The following NOD2 variants were observed in gnomAD, a reference collection of about 807,000 sequenced individuals.
NOD2 encodes the protein nucleotide binding oligomerization domain containing 2.
Under a neutral mutation model 90.9 loss-of-function variants are expected in NOD2, and 86 were observed. The ratio of observed to expected loss-of-function variants is 0.95; its 90% CI spans 0.79 to 1.13. The LOEUF (loss-of-function observed/expected upper bound fraction) is 1.13, where lower values mean the gene tolerates loss of function less well. Among genes scored for constraint, NOD2 ranks in the 50% most tolerant of loss-of-function variants. NOD2 has a pLI of 0.00. For synonymous variants in NOD2, 581 were observed against 554.6 expected (o/e 1.05, Z -0.67); for missense variants, 1,238 against 1,283.8 (o/e 0.96, Z 0.55).
Position 50,712,092 on chromosome 16 carries a change from G to C in NOD2, c.2100G>C (p.Pro700=), listed in dbSNP as rs144468550. The C allele has an allele frequency of 4.3e-6, 7 of 1,613,852 alleles. No individual in the cohort carries two copies. The highest frequency in any genetic ancestry group is 5.1e-6 in the Non-Finnish European group (6 of 1,180,004). Residue 700 remains proline, a synonymous_variant, in exon 4 of 12, where the codon CCG becomes CCC. Transcript: ENST00000647318. ...KHFHSIPPAA[P]GEAKSVHAMP... ...TCCACTCCATCCCGCCAGCTGCACC[G>C]GGTGAGGCCAAGAGCGTGCATGCCA...
chr16:50,725,974 G>A (rs1965250982), intron 10 of NOD2, among the ~76,000 whole-genome samples: 1 of 152,168 alleles, frequency 6.6e-6, no homozygotes, highest in Non-Finnish European at 1.5e-5. Flanking sequence ...GTTGATGTGC[G>A]CTCATGGGGC....
chr16:50,723,656 C>G (rs1179087998), intron 9 of NOD2, among the ~76,000 whole-genome samples: 1 of 152,154 alleles, frequency 6.6e-6, no homozygotes, highest in Non-Finnish European at 1.5e-5. Flanking sequence ...AGCACAGACT[C>G]TGTAATCAAG....
At chr16:50,724,212 A>T (rs1259253681) in intron 9 of NOD2, among the ~76,000 whole-genome samples, 1 of 152,214 alleles carries the variant, frequency 6.6e-6, no homozygotes, top group Non-Finnish European at 1.5e-5. Flanking sequence ...ACTGCAACAT[A>T]TGGGCATTGC....
intron 11 of NOD2, 178 bp downstream of exon 11, chr16:50,730,079 C>G (rs1965402446): frequency 5.2e-6 from 3 of 574,202 alleles, no homozygotes; most frequent in Non-Finnish European, 9.6e-6. Context: ...GAAGTCTTTA[C>G]CTCTTTAAGT....
chr16:50,721,365 GGT>G (rs927286556), intron 7 of NOD2, among the ~76,000 whole-genome samples: 18 of 105,094 alleles, frequency 1.7e-4, no homozygotes, highest in Middle Eastern at 4.6e-3. Flanking sequence ...TAACTTGCTT[GGT>G]TTTTTTTTTT....
intron 9 of NOD2, 131 bp from the exon 10 acceptor site, chr16:50,725,358 T>C (rs4990643): frequency 1.4e-6 from 1 of 724,168 alleles, no homozygotes; most frequent in Non-Finnish European, 2.5e-6. Context: ...CACAACGTAC[T>C]TTATCTGTTC....
rs199475926 is a variant in NOD2 at position 50,732,033 on chromosome 16, T to C, written c.*214T>C. The C allele has an allele frequency of 6.9e-6, 4 of 582,820 alleles. No individual in the cohort carries two copies. The highest frequency in any genetic ancestry group is 1.2e-5 in the Non-Finnish European group (4 of 320,138). 36.1% of individuals were successfully genotyped at this position (582,820 alleles called of 1,614,324 possible). On this transcript the variant is annotated 3_prime_UTR_variant, in exon 12 of 12. Coordinates refer to ENST00000647318, the MANE Select transcript of NOD2 (RefSeq NM_001370466.1). ...GGATAGACTTTTCCCAAGCCTACTT[T>C]TGCCATTGACTTCTTCCCAAGATTC...
chr16:50,719,970 C>A lies in NOD2; in HGVS notation c.2595C>A (p.Ala865=). 6.2e-7 allele frequency: 1 copy of A among 1,614,184 alleles called. No homozygotes were observed. Among genetic ancestry groups the A allele is most frequent in the African/African-American group, 1.3e-5 (1 of 75,058 alleles). Residue 865 remains alanine (A), a synonymous_variant, in exon 7 of 12, where the codon GCC becomes GCA. Coordinates refer to ENST00000647318, the MANE Select transcript of NOD2 (RefSeq NM_001370466.1). ...CTGCCGCGGGAGCCCAAGTGCTGGC[C>A]GAGGGGCTCCGAGGCAACACCTCCT... The part of the protein sequence containing the change: ...YITAAGAQVL[A]EGLRGNTSLQ...
At chr16:50,707,803 C>T in intron 2 of NOD2, 52 bp from the exon 3 acceptor site, 1 of 1,263,812 alleles carries the variant, frequency 7.9e-7, no homozygotes, top group Non-Finnish European at 1.2e-6. Flanking sequence ...AGCCTTCCCA[C>T]ATTGCTCCAT....
intron 2 of NOD2, among the ~76,000 whole-genome samples, chr16:50,702,094 A>C (rs1963966972): frequency 6.6e-6 from 1 of 151,948 alleles, no homozygotes; most frequent in Non-Finnish European, 1.5e-5. Context: ...ACAGGCTAGC[A>C]CCACCATACC....
intron 2 of NOD2, among the ~76,000 whole-genome samples, chr16:50,704,530 A>G (rs1596841240): frequency 7.9e-6 from 1 of 126,592 alleles, no homozygotes; most frequent in African/African-American, 3.1e-5. Context: ...GAATTCCAAA[A>G]CCTTTTTTTT....
chr16:50,709,559 A>C (rs571546635), intron 3 of NOD2, among the ~76,000 whole-genome samples: 3 of 152,188 alleles, frequency 2.0e-5, no homozygotes, highest in African/African-American at 7.2e-5. Context: ...CTCTCCCTGC[A>C]TGGGGTGCAT....
intron 3 of NOD2, chr16:50,709,980 G>C: frequency 2.2e-6 from 1 of 456,016 alleles, no homozygotes; most frequent in South Asian, 1.5e-5. Flanking sequence ...TAAATGGCTT[G>C]CCCAAGTGTA....
In NOD2 at chr16:50,711,932, C is replaced by T. The variant is rs945203022; in HGVS notation, c.1940C>T (p.Thr647Ile). Residue 647 changes from threonine to isoleucine, a missense_variant, in exon 4 of 12, where the codon ACA becomes ATA. By Grantham distance (89) the Thr-to-Ile change is moderately conservative (BLOSUM62 -1). Transcript: ENST00000647318. ...GCCGAGCCGCACAACCTTCAGATCA[C>T]AGCAGCCTTCCTGGCAGGGCTGTTG... is the stretch of plus-strand genomic sequence containing the variant. ...QKAEPHNLQI[T>I]AAFLAGLLSR... is the part of the protein sequence containing the mutation. 7 of 1,611,776 alleles carry T rather than the reference C, an allele frequency of 4.3e-6. No individual in the cohort carries two copies. Among genetic ancestry groups the T allele is most frequent in the Non-Finnish European group, 5.1e-6 (6 of 1,178,636 alleles).
chr16:50,699,683 A>G lies in NOD2; in HGVS notation c.188A>G (p.Asp63Gly), dbSNP rs747221457. ...PLSHLARRLLDTVWNKGTWAC... is the reference protein window; with the variant it reads ...PLSHLARRLLGTVWNKGTWAC... ...TCCCACTTGGCCAGGCGCCTTCTGG[A>G]CACCGTCTGGAATAAGGGTACTTGG... The change falls in exon 2 of 12, where the codon GAC becomes GGC. Residue 63 changes from aspartate to glycine, a missense_variant. Coordinates refer to ENST00000647318, the MANE Select transcript of NOD2 (RefSeq NM_001370466.1). 1 of 1,613,966 alleles carries G rather than the reference A, an allele frequency of 6.2e-7. No homozygotes were observed. Among genetic ancestry groups the G allele is most frequent in the African/African-American group, 1.3e-5 (1 of 74,886 alleles).
At chr16:50,725,103 A>G (rs2150836374) in intron 9 of NOD2, among the ~76,000 whole-genome samples, 1 of 152,324 alleles carries the variant, frequency 6.6e-6, no homozygotes, top group African/African-American at 2.4e-5. Flanking sequence ...CCCCTTATGT[A>G]TCAACCATGT....
intron 2 of NOD2, among the ~76,000 whole-genome samples, chr16:50,704,791 T>G (rs1964110137): frequency 6.6e-6 from 1 of 152,232 alleles, no homozygotes; most frequent in African/African-American, 2.4e-5. Context: ...GTGCTGGGAT[T>G]AAAGGCGTGA....
At chr16:50,728,844 C>G (rs1347796174) in intron 10 of NOD2, among the ~76,000 whole-genome samples, 6 of 152,196 alleles carry the variant, frequency 3.9e-5, no homozygotes. Flanking sequence ...CTCATATGTT[C>G]TCTAATCTCT....
rs1338599093 is a variant in NOD2 at position 50,712,090 on chromosome 16, C to T, written c.2098C>T (p.Pro700Ser). The T allele has an allele frequency of 1.2e-6, 2 of 1,613,878 alleles. No individual in the cohort carries two copies. Among genetic ancestry groups the T allele is most frequent in the Non-Finnish European group, 8.5e-7 (1 of 1,180,000 alleles). The change falls in exon 4 of 12, where the codon CCG becomes TCG. Residue 700 changes from proline (P) to serine (S), a missense_variant. Pro to Ser is a moderately conservative substitution (Grantham distance 74, BLOSUM62 -1). Transcript: ENST00000647318. ...KHFHSIPPAAPGEAKSVHAMP... is the reference protein window; with the variant it reads ...KHFHSIPPAASGEAKSVHAMP... ...CTTCCACTCCATCCCGCCAGCTGCA[C>T]CGGGTGAGGCCAAGAGCGTGCATGC... is the stretch of plus-strand genomic sequence containing the variant.
Sources: allele counts gnomAD v4.1 joint callset (sites outside exome capture counted in the v4.1 genomes callset), GRCh38; gene constraint gnomAD v4.1.1; transcripts MANE v1.5; gene names NCBI Gene and HGNC (gene_info 2026-07-23, HGNC 2026-07-21).